The following NEDD4 variants were observed in gnomAD, a reference collection of about 807,000 sequenced individuals.
NEDD4 encodes the protein NEDD4 E3 ubiquitin protein ligase.
In NEDD4, 99 loss-of-function variants were observed where a neutral mutation model predicts 144.9. The observed-to-expected ratio is 0.68, with a 90% CI of 0.58 to 0.81. The LOEUF (loss-of-function observed/expected upper bound fraction) is 0.81, where lower values mean the gene tolerates loss of function less well. Ranked by LOEUF, NEDD4 falls within the 30% of genes least tolerant of loss-of-function variation. The pLI is 0.00. For missense variants in NEDD4, 985 were observed against 1,065.9 expected (o/e 0.92, Z 1.06); for synonymous variants, 318 against 350.6 (o/e 0.91, Z 1.04).
At chr15:55,892,540 A>T (rs934640490) in intron 5 of NEDD4, among the ~76,000 whole-genome samples, 2 of 151,996 alleles carry the variant, frequency 1.3e-5, no homozygotes, top group Non-Finnish European at 2.9e-5. Context: ...CAGTTTTCAG[A>T]TTTAGCTATC....
intron 4 of NEDD4, among the ~76,000 whole-genome samples, chr15:55,946,314 T>A (rs572093923): frequency 6.6e-6 from 1 of 152,128 alleles, no homozygotes; most frequent in South Asian, 2.1e-4. Context: ...TGGAGGAAGA[T>A]CTATCAAGCA....
In NEDD4 at chr15:55,829,741, T is replaced by C. The variant is rs2032853978; in HGVS notation, c.*156A>G. On this transcript the variant is annotated 3_prime_UTR_variant, in exon 29 of 29. Coordinates refer to ENST00000435532, the MANE Select transcript of NEDD4 (RefSeq NM_006154.4). Reference sequence around the variant, plus strand: ...TTATTTAAAAGTGATTAAAAATAAGTTGTCGTACTATTTCTTCAAATGCTT... The same window carrying C: ...TTATTTAAAAGTGATTAAAAATAAGCTGTCGTACTATTTCTTCAAATGCTT... The C allele has an allele frequency of 1.7e-6, 1 of 578,774 alleles. No individual in the cohort carries two copies. Among genetic ancestry groups the C allele is most frequent in the Non-Finnish European group, 3.1e-6 (1 of 326,990 alleles). The allele number at this position is 578,774 out of a possible 1,614,324, so 35.9% of individuals were successfully genotyped here.
At chr15:55,993,402 AG>A (rs2038020487) in intron 1 of NEDD4, 108 bp downstream of exon 1, 6 of 1,365,810 alleles carry the variant, frequency 4.4e-6, no homozygotes, top group Non-Finnish European at 6.0e-6. Context: ...CCGAGGGAGG[AG>A]GGGCTGACAG....
intron 1 of NEDD4, among the ~76,000 whole-genome samples, chr15:55,981,893 G>A (rs1408845710): frequency 6.6e-6 from 1 of 152,212 alleles, no homozygotes; most frequent in Non-Finnish European, 1.5e-5. Flanking sequence ...GGTTATGGAA[G>A]TATTCCTCAT....
intron 1 of NEDD4, among the ~76,000 whole-genome samples, chr15:55,984,563 T>A (rs910367327): frequency 7.9e-5 from 12 of 152,230 alleles, no homozygotes; most frequent in African/African-American, 2.7e-4. Flanking sequence ...CGGCCATGAT[T>A]GTTTGTTCAT....
At chr15:55,878,917 C>T (rs1330534844) in intron 5 of NEDD4, among the ~76,000 whole-genome samples, 3 of 152,194 alleles carry the variant, frequency 2.0e-5, no homozygotes, top group African/African-American at 7.2e-5. Context: ...CCGCCTCCCT[C>T]GTTCAAGCGA....
At position 55,887,657 on chromosome 15, in the gene NEDD4, C is replaced by G. The variant is rs772247359; in HGVS notation, c.292-13649G>C. On this transcript the variant is annotated intron_variant, in intron 5 of 28. Coordinates refer to ENST00000435532, the MANE Select transcript of NEDD4 (RefSeq NM_006154.4). ...TATGAAGCCAGTATTACTCAGAGAC[C>G]AAAACCAAACAGACACAACCAAAAA... Among the ~76,000 whole-genome samples, 47 of 151,996 alleles carry G rather than the reference C, an allele frequency of 3.1e-4. 1 individual carries two copies. The highest frequency in any genetic ancestry group is 4.4e-5 in the Non-Finnish European group (3 of 67,952).
chr15:55,956,561 T>C (rs1319304979), intron 2 of NEDD4, among the ~76,000 whole-genome samples: 1 of 152,188 alleles, frequency 6.6e-6, no homozygotes, highest in East Asian at 1.9e-4. Context: ...ACCTCAGCAT[T>C]TTTTGTTAAA....
intron 2 of NEDD4, among the ~76,000 whole-genome samples, chr15:55,954,169 C>T (rs2037296331): frequency 6.6e-6 from 1 of 151,928 alleles, no homozygotes; most frequent in South Asian, 2.1e-4. Flanking sequence ...TTTTTTGGCC[C>T]TCTTTATGTT....
chr15:55,940,707 T>A (rs11633709), intron 4 of NEDD4, among the ~76,000 whole-genome samples: 14,907 of 151,994 alleles, frequency 0.098, 1,007 homozygotes, highest in Non-Finnish European at 0.15. Context: ...GGGTCGTTTT[T>A]TTTTGGTAGA....
chr15:55,969,467 G>A (rs1394623097), intron 1 of NEDD4, among the ~76,000 whole-genome samples: 1 of 152,146 alleles, frequency 6.6e-6, no homozygotes, highest in Non-Finnish European at 1.5e-5. Flanking sequence ...GCGGCCAAGG[G>A]TGTGCTTGTG....
chr15:55,884,383 A>G (rs2035311973), intron 5 of NEDD4, among the ~76,000 whole-genome samples: 1 of 152,192 alleles, frequency 6.6e-6, no homozygotes, highest in African/African-American at 2.4e-5. Context: ...TTCAATGTCC[A>G]GACATTGGCA....
At chr15:55,843,632 A>C (rs1205801517) in intron 18 of NEDD4, among the ~76,000 whole-genome samples, 1 of 152,268 alleles carries the variant, frequency 6.6e-6, no homozygotes, top group East Asian at 1.9e-4. Context: ...AAGGAAAAAA[A>C]ATCAATTTCA....
intron 4 of NEDD4, among the ~76,000 whole-genome samples, chr15:55,947,937 A>G (rs1173938150): frequency 3.0e-4 from 46 of 152,208 alleles, no homozygotes; most frequent in African/African-American, 1.1e-3. Context: ...ACATAGTGTT[A>G]GAAGTTCTGG....
intron 11 of NEDD4, among the ~76,000 whole-genome samples, chr15:55,858,975 CA>C (rs1312727992): frequency 6.6e-6 from 1 of 152,180 alleles, no homozygotes; most frequent in Non-Finnish European, 1.5e-5. Context: ...TGATTTGGCC[CA>C]CCGGTTGTAG....
chr15:55,988,487 T>TAAAAAAAAA (rs56688563), intron 1 of NEDD4, among the ~76,000 whole-genome samples: 57 of 101,654 alleles, frequency 5.6e-4, no homozygotes, highest in African/African-American at 8.3e-4. Context: ...AAAAAAAAAT[T>TAAAAAAAAA]AAAAAAAAAA....
chr15:55,857,539 T>C (rs1368700742), intron 11 of NEDD4, among the ~76,000 whole-genome samples: 1 of 152,162 alleles, frequency 6.6e-6, no homozygotes, highest in African/African-American at 2.4e-5. Context: ...GCCAGGCTGG[T>C]CTCGAACTCC....
At chr15:55,915,439 T>TA in intron 5 of NEDD4, 1 of 1,613,872 alleles carries the variant, frequency 6.2e-7, no homozygotes, top group Non-Finnish European at 8.5e-7. Flanking sequence ...CAGGAAATAT[T>TA]TGGATAAGCT....
intron 1 of NEDD4, among the ~76,000 whole-genome samples, chr15:55,983,498 T>A (rs201886052): frequency 0.062 from 9,385 of 152,230 alleles, 376 homozygotes; most frequent in East Asian, 0.16. Flanking sequence ...ATTTACTCAA[T>A]GGGGTTCTAT....
Sources: gnomAD v4.1 joint callset for allele counts (sites outside exome capture counted in the v4.1 genomes callset) on GRCh38, gnomAD v4.1.1 for gene constraint, MANE v1.5 for transcripts, NCBI Gene and HGNC (gene_info 2026-07-23, HGNC 2026-07-21) for gene names.